PABPC1L: variants seen among roughly 807,000 people sequenced by gnomAD.
The protein encoded by PABPC1L is poly(A) binding protein cytoplasmic 1 like.
Under a neutral mutation model 66.6 loss-of-function variants are expected in PABPC1L, and 31 were observed. The observed-to-expected ratio is 0.47, with a 90% confidence interval of 0.35 to 0.63. The LOEUF is 0.63. Ranked by LOEUF, PABPC1L falls within the 20% of genes least tolerant of loss-of-function variation. PABPC1L has a pLI of 0.00. For synonymous variants in PABPC1L, 348 were observed against 335.1 expected, an observed-to-expected ratio of 1.04 and a Z score of -0.42; for missense variants, 722 against 848.8, an observed-to-expected ratio of 0.85 and a Z score of 1.86.
chr20:44,922,837 G>C (rs564979204), intron 6 of PABPC1L, among the ~76,000 whole-genome samples: 1 of 152,182 alleles, frequency 6.6e-6, no homozygotes, highest in Non-Finnish European at 1.5e-5. Flanking sequence ...TCGTGTGGGT[G>C]GTGGGGTGCT....
chr20:44,928,352 C>T (rs1473634469), intron 7 of PABPC1L, among the ~76,000 whole-genome samples: 1 of 152,152 alleles, frequency 6.6e-6, no homozygotes, highest in Non-Finnish European at 1.5e-5. Flanking sequence ...GGATTACAGG[C>T]ATAAGCCATT....
chr20:44,910,274 G>T lies in PABPC1L; in HGVS notation c.131G>T (p.Arg44Leu). 1 of 1,553,474 alleles carries T rather than the reference G, an allele frequency of 6.4e-7. No homozygotes were observed. The highest frequency in any genetic ancestry group is 8.7e-7 in the Non-Finnish European group (1 of 1,148,240). Residue 44 changes from arginine to leucine, a missense_variant, in exon 1 of 15, where the codon CGC becomes CTC. Physicochemically the swap from Arg to Leu is moderately radical, Grantham distance 102 (BLOSUM62 -2). This residue lies in a region of PABPC1L where 284 missense variants were observed against 294.8 expected (regional missense o/e 0.96). Coordinates refer to ENST00000217073, the MANE Select transcript of PABPC1L (RefSeq NM_001372179.1). ...AGPILSIRVC[R>L]DVATRRSLGY... ...CCCATCCTGTCCATCCGCGTGTGCC[G>T]CGATGTAGCCACCCGGCGCTCGCTG...
At position 44,936,700 on chromosome 20, in the gene PABPC1L, G is replaced by A. The variant is rs2066903570; in HGVS notation, c.1630G>A (p.Ala544Thr). ...EPLTASMLAAAPLHEQKQMIG... is the reference protein window; with the variant it reads ...EPLTASMLAATPLHEQKQMIG... ...CCTGACCGCGTCCATGCTGGCTGCG[G>A]CGCCCCTGCATGAGCAAAAGCAGAT... Residue 544 changes from alanine (A) to threonine (T), a missense_variant, in exon 12 of 15, where the codon GCG becomes ACG. Ala to Thr is a moderately conservative substitution (Grantham distance 58). Coordinates refer to ENST00000217073, the MANE Select transcript of PABPC1L (RefSeq NM_001372179.1). 1 of 1,608,662 alleles carries A rather than the reference G, an allele frequency of 6.2e-7. No homozygotes were observed. The highest frequency in any genetic ancestry group is 1.1e-5 in the South Asian group (1 of 89,274).
intron 12 of PABPC1L, chr20:44,937,185 C>T: frequency 2.8e-6 from 1 of 350,974 alleles, no homozygotes; most frequent in East Asian, 7.5e-5. Context: ...CATGATGTTT[C>T]CCATAGATTC....
intron 5 of PABPC1L, among the ~76,000 whole-genome samples, chr20:44,919,660 T>G (rs2066759940): frequency 6.6e-6 from 1 of 152,160 alleles, no homozygotes; most frequent in African/African-American, 2.4e-5. Context: ...GAGTCCAGCC[T>G]GGGCAACATA....
chr20:44,932,030 A>G (rs2145578236), intron 8 of PABPC1L: 1 of 212,188 alleles, frequency 4.7e-6, no homozygotes, highest in Non-Finnish European at 9.3e-6. Context: ...CACCACGGTA[A>G]GAACATTCCT....
chr20:44,922,908 A>C (rs891498518), intron 6 of PABPC1L, among the ~76,000 whole-genome samples: 1 of 152,210 alleles, frequency 6.6e-6, no homozygotes, highest in African/African-American at 2.4e-5. Flanking sequence ...GCCCAGGACA[A>C]TGCCACAGCA....
chr20:44,921,210 C>T (rs1322361483), intron 5 of PABPC1L, among the ~76,000 whole-genome samples: 3 of 149,458 alleles, frequency 2.0e-5, no homozygotes, highest in Admixed American at 1.3e-4. Flanking sequence ...AGTGCAATGG[C>T]GTGATCTCAG....
At chr20:44,926,005 A>T (rs960761583) in intron 7 of PABPC1L, among the ~76,000 whole-genome samples, 1 of 152,194 alleles carries the variant, frequency 6.6e-6, no homozygotes, top group African/African-American at 2.4e-5. Context: ...CCTAAGAACT[A>T]CTAAAGAGGC....
At chr20:44,929,588 A>C (rs1365440696) in intron 7 of PABPC1L, among the ~76,000 whole-genome samples, 3 of 152,014 alleles carry the variant, frequency 2.0e-5, no homozygotes, top group Middle Eastern at 3.4e-3. Context: ...TGAGGTCAGG[A>C]GTTTGAGACC....
chr20:44,921,591 C>G lies in PABPC1L; in HGVS notation c.739-3C>G. The G allele has an allele frequency of 3.7e-6, 6 of 1,613,768 alleles. No individual in the cohort carries two copies. The highest frequency in any genetic ancestry group is 5.1e-6 in the Non-Finnish European group (6 of 1,179,870). On this transcript the variant is annotated splice_region_variant and splice_polypyrimidine_tract_variant and intron_variant, in intron 5 of 14. Coordinates refer to ENST00000217073, the MANE Select transcript of PABPC1L (RefSeq NM_001372179.1). ...CAAGCATGTTCCCTCCTCCTTTCCCCAGGCCGTGGTCCATATGAACGGGAA... is the reference window on the plus strand; with the variant it reads ...CAAGCATGTTCCCTCCTCCTTTCCCGAGGCCGTGGTCCATATGAACGGGAA...
At chr20:44,919,441 G>A (rs2066758796) in intron 5 of PABPC1L, among the ~76,000 whole-genome samples, 164 bp downstream of exon 5, 1 of 152,192 alleles carries the variant, frequency 6.6e-6, no homozygotes, top group Admixed American at 6.5e-5. Context: ...GTGGTCAAAG[G>A]CCAAGGGCTT....
chr20:44,932,476 G>A (rs2066868396), intron 9 of PABPC1L, 44 bp downstream of exon 9: 4 of 1,532,506 alleles, frequency 2.6e-6, no homozygotes, highest in Non-Finnish European at 3.6e-6. Flanking sequence ...GCCTATTGGT[G>A]TGGGCCCCGT....
At chr20:44,931,190 C>CCTTCCTTCCTT (rs2066857419) in intron 8 of PABPC1L, among the ~76,000 whole-genome samples, 1 of 145,904 alleles carries the variant, frequency 6.9e-6, no homozygotes, top group Non-Finnish European at 1.5e-5. Flanking sequence ...CTCCCTTCCT[C>CCTTCCTTCCTT]CCTTCCTTCA....
intron 7 of PABPC1L, 119 bp from the exon 8 acceptor site, chr20:44,930,341 C>G: frequency 7.3e-7 from 1 of 1,363,958 alleles, no homozygotes; most frequent in East Asian, 2.3e-5. Context: ...ATCCCTCCAT[C>G]ACAGCTTTCT....
At chr20:44,918,496 C>T (rs1249090867) in intron 3 of PABPC1L, among the ~76,000 whole-genome samples, 1 of 152,100 alleles carries the variant, frequency 6.6e-6, no homozygotes, top group Non-Finnish European at 1.5e-5. Context: ...ATTTGAGTCC[C>T]AATTTTACAG....
At chr20:44,925,191 CAACAG>C (rs1482496023) in intron 7 of PABPC1L, among the ~76,000 whole-genome samples, 2 of 123,746 alleles carry the variant, frequency 1.6e-5, no homozygotes, top group Non-Finnish European at 3.2e-5. Context: ...CCAGCCTGGG[CAACAG>C]CGAGACTCTG....
chr20:44,937,470 A>G (rs2066910240), intron 12 of PABPC1L, among the ~76,000 whole-genome samples: 1 of 151,218 alleles, frequency 6.6e-6, no homozygotes, highest in African/African-American at 2.4e-5. Flanking sequence ...GCTGGAGTGC[A>G]GTGGCACGAT....
At chr20:44,921,234 C>T (rs995798668) in intron 5 of PABPC1L, among the ~76,000 whole-genome samples, 1 of 151,630 alleles carries the variant, frequency 6.6e-6, no homozygotes, top group Non-Finnish European at 1.5e-5. Context: ...ACCGCAACCT[C>T]CACCTCCCAG....
Sources: allele counts gnomAD v4.1 joint callset (sites outside exome capture counted in the v4.1 genomes callset), GRCh38; gene constraint gnomAD v4.1.1; regional missense constraint gnomAD v4.1.1; transcripts MANE v1.5; gene names NCBI Gene and HGNC (gene_info 2026-07-23, HGNC 2026-07-21).